RBFOX1: variants seen among roughly 807,000 people sequenced by gnomAD.
RBFOX1 encodes the protein RNA binding fox-1 homolog 1.
RBFOX1 carries 8 observed loss-of-function variants against 57.7 expected under a neutral mutation model. The observed-to-expected ratio is 0.14, with a 90% CI of 0.08 to 0.25. The LOEUF (loss-of-function observed/expected upper bound fraction) is 0.25. Ranked by LOEUF, RBFOX1 falls within the 10% of genes least tolerant of loss-of-function variation. RBFOX1 has a pLI of 1.00. For missense variants in RBFOX1, 611 were observed against 548.5 expected (o/e 1.11, Z -1.14); for synonymous variants, 326 against 222.4 (o/e 1.47, Z -4.15).
At chr16:5,646,174 C>G (rs1249135547) in intron 3 of RBFOX1, among the ~76,000 whole-genome samples, 1 of 144,130 alleles carries the variant, frequency 6.9e-6, no homozygotes, top group Non-Finnish European at 1.5e-5. Context: ...GGATTACAGG[C>G]ACGTGCTATT....
intron 3 of RBFOX1, among the ~76,000 whole-genome samples, chr16:6,792,469 G>C (rs1432230242): frequency 6.6e-6 from 1 of 152,126 alleles, no homozygotes. Context: ...AAAGACTGGG[G>C]TGAGATGAAT....
chr16:6,277,466 A>AAAAAAC (rs2075932135), intron 1 of RBFOX1, among the ~76,000 whole-genome samples: 1 of 150,966 alleles, frequency 6.6e-6, no homozygotes, highest in South Asian at 2.1e-4. Flanking sequence ...CCCAAAAAAA[A>AAAAAAC]AAAAAAAAAA....
intron 4 of RBFOX1, among the ~76,000 whole-genome samples, chr16:5,982,441 A>ATTTTT (rs2060192915): frequency 6.6e-6 from 1 of 151,760 alleles, no homozygotes. Flanking sequence ...CACCCAGCTA[A>ATTTTT]TTTTTGTATT....
chr16:6,536,293 A>G (rs1239585163), intron 2 of RBFOX1, among the ~76,000 whole-genome samples: 1 of 152,188 alleles, frequency 6.6e-6, no homozygotes, highest in Non-Finnish European at 1.5e-5. Context: ...GTCTCCAGCA[A>G]ATCTCGTGGG....
At chr16:5,452,190 C>T (rs534563079) in intron 1 of RBFOX1, among the ~76,000 whole-genome samples, 16 of 148,562 alleles carry the variant, frequency 1.1e-4, no homozygotes, top group African/African-American at 4.0e-4. Context: ...ACGATCTCAG[C>T]TCACTGCAAC....
At chr16:5,553,846 C>T (rs1243158254) in intron 2 of RBFOX1, among the ~76,000 whole-genome samples, 1 of 151,530 alleles carries the variant, frequency 6.6e-6, no homozygotes, top group East Asian at 1.9e-4. Context: ...AAATATCCTA[C>T]ATGATTGAAT....
intron 1 of RBFOX1, among the ~76,000 whole-genome samples, chr16:5,295,648 A>G (rs1252781670): frequency 6.6e-6 from 1 of 152,130 alleles, no homozygotes; most frequent in African/African-American, 2.4e-5. Context: ...CGCTCATGAC[A>G]TGGCAGCTCA....
chr16:6,484,106 A>C (rs1254708510), intron 2 of RBFOX1, among the ~76,000 whole-genome samples: 1 of 152,164 alleles, frequency 6.6e-6, no homozygotes, highest in African/African-American at 2.4e-5. Context: ...GCCAATGCTC[A>C]TTGGCTCCGT....
At chr16:7,014,445 C>T (rs1195163217) in intron 3 of RBFOX1, among the ~76,000 whole-genome samples, 1 of 150,778 alleles carries the variant, frequency 6.6e-6, no homozygotes, top group Admixed American at 6.6e-5. Context: ...TGGGGTTTTA[C>T]CATGTTGGCC....
At position 6,654,611 on chromosome 16, in the gene RBFOX1, A is replaced by C. The variant is rs2098632823; in HGVS notation, c.-55A>C. The C allele has an allele frequency of 1.3e-6, 2 of 1,509,468 alleles. No homozygotes were observed. Among genetic ancestry groups the C allele is most frequent in the African/African-American group, 1.4e-5 (1 of 71,188 alleles). 93.5% of individuals were successfully genotyped at this position (1,509,468 alleles called of 1,614,324 possible). On this transcript the variant is annotated 5_prime_UTR_variant, in exon 3 of 16. Transcript: ENST00000550418. ...TTTTCTTCTCTTCTCAGGATATCAAAGCAGACTGCAATACCTGCGTGGAAA... is the reference window on the plus strand; with the variant it reads ...TTTTCTTCTCTTCTCAGGATATCAACGCAGACTGCAATACCTGCGTGGAAA...
chr16:5,907,192 G>A (rs890040952), intron 4 of RBFOX1, among the ~76,000 whole-genome samples: 11 of 152,142 alleles, frequency 7.2e-5, no homozygotes, highest in African/African-American at 2.4e-4. Flanking sequence ...TCAGGGCAAC[G>A]TGAACTAAGT....
chr16:5,731,621 C>G (rs1332771404), intron 3 of RBFOX1, among the ~76,000 whole-genome samples: 1 of 152,132 alleles, frequency 6.6e-6, no homozygotes, highest in Non-Finnish European at 1.5e-5. Flanking sequence ...TATGTAATCT[C>G]TCTTAGAGGC....
chr16:7,091,469 G>T (rs1016819200), intron 4 of RBFOX1, among the ~76,000 whole-genome samples: 48 of 151,826 alleles, frequency 3.2e-4, no homozygotes, highest in African/African-American at 1.1e-3. Context: ...TGAAAAGACG[G>T]GGAGAGAGTT....
intron 1 of RBFOX1, among the ~76,000 whole-genome samples, chr16:6,250,361 C>G (rs2152943775): frequency 6.6e-6 from 1 of 152,244 alleles, no homozygotes; most frequent in South Asian, 2.1e-4. Context: ...AAGCGAACTA[C>G]CTCATGACTA....
chr16:6,688,675 C>G (rs1251356544), intron 3 of RBFOX1, among the ~76,000 whole-genome samples: 1 of 152,108 alleles, frequency 6.6e-6, no homozygotes, highest in Middle Eastern at 3.2e-3. Flanking sequence ...TTCTGGGATA[C>G]ATGTGCAGCA....
chr16:6,497,803 C>T (rs997419149), intron 2 of RBFOX1, among the ~76,000 whole-genome samples: 1 of 152,042 alleles, frequency 6.6e-6, no homozygotes, highest in African/African-American at 2.4e-5. Flanking sequence ...GTGATCCACC[C>T]ATCTCAGCCT....
At chr16:6,529,135 C>G (rs1035383709) in intron 2 of RBFOX1, among the ~76,000 whole-genome samples, 1 of 152,150 alleles carries the variant, frequency 6.6e-6, no homozygotes, top group African/African-American at 2.4e-5. Context: ...GAATTTGTGC[C>G]TCCATCTGTT....
intron 4 of RBFOX1, among the ~76,000 whole-genome samples, chr16:7,116,361 T>C (rs990789822): frequency 6.6e-6 from 1 of 152,116 alleles, no homozygotes; most frequent in African/African-American, 2.4e-5. Flanking sequence ...CAAAGCACTT[T>C]TGAGGCAAAG....
intron 3 of RBFOX1, among the ~76,000 whole-genome samples, chr16:5,798,599 G>T (rs546104561): frequency 6.6e-6 from 1 of 152,194 alleles, no homozygotes; most frequent in African/African-American, 2.4e-5. Flanking sequence ...GGAACTGGAC[G>T]TTGGGTCTTG....
Sources: gnomAD v4.1 joint callset for allele counts (sites outside exome capture counted in the v4.1 genomes callset) on GRCh38, gnomAD v4.1.1 for gene constraint, MANE v1.5 for transcripts, NCBI Gene and HGNC (gene_info 2026-07-23, HGNC 2026-07-21) for gene names.